ITGB5: variants seen among roughly 807,000 people sequenced by gnomAD.
ITGB5 encodes the protein integrin beta-5.
Under a neutral mutation model 84.8 loss-of-function variants are expected in ITGB5, and 38 were observed. That is an observed-to-expected ratio of 0.45 (90% confidence interval 0.35 to 0.59). The LOEUF (loss-of-function observed/expected upper bound fraction) is 0.59, where lower values mean the gene tolerates loss of function less well. Among genes scored for constraint, ITGB5 ranks in the 20% least tolerant of loss-of-function variants. ITGB5 has a pLI of 0.01. For missense variants in ITGB5, 905 were observed against 1,034.5 expected, an observed-to-expected ratio of 0.87 and a Z score of 1.72; for synonymous variants, 393 against 414.4, an observed-to-expected ratio of 0.95 and a Z score of 0.63.
At chr3:124,787,270 AG>A (rs2064095351) in intron 10 of ITGB5, among the ~76,000 whole-genome samples, 1 of 152,184 alleles carries the variant, frequency 6.6e-6, no homozygotes, top group South Asian at 2.1e-4. Flanking sequence ...TTGTTGCTTA[AG>A]ATGTTTCTGG....
intron 8 of ITGB5, among the ~76,000 whole-genome samples, chr3:124,811,935 T>C (rs1451892947): frequency 6.6e-6 from 1 of 152,170 alleles, no homozygotes; most frequent in East Asian, 1.9e-4. Flanking sequence ...TATGCACTTC[T>C]TTCTTTGGAA....
In ITGB5 at chr3:124,773,698, G is replaced by A; in HGVS notation, c.1908C>T (p.Ser636=). 1 of 1,612,110 alleles carries A rather than the reference G, an allele frequency of 6.2e-7. No homozygotes were observed. Residue 636 remains serine, a synonymous_variant, in exon 11 of 15, where the codon AGC becomes AGT. Transcript: ENST00000296181. ...EKCPTCPDAC[S]TKRDCVECLL... Reference sequence around the variant, plus strand: ...GTCAGTGGAACCAGTACCTCTTGGTGCTGCATGCATCCGGGCAGGTGGGGC... The same window carrying A: ...GTCAGTGGAACCAGTACCTCTTGGTACTGCATGCATCCGGGCAGGTGGGGC...
chr3:124,771,585 C>CA (rs1007538149), intron 11 of ITGB5, among the ~76,000 whole-genome samples: 3 of 151,498 alleles, frequency 2.0e-5, no homozygotes, highest in Non-Finnish European at 2.9e-5. Flanking sequence ...CCTGTCTCTA[C>CA]AAAAAAATAA....
intron 7 of ITGB5, among the ~76,000 whole-genome samples, chr3:124,818,264 C>A (rs894399142): frequency 6.6e-6 from 1 of 152,174 alleles, no homozygotes; most frequent in Non-Finnish European, 1.5e-5. Flanking sequence ...CCCACCTTTC[C>A]TCTTTCATCT....
At chr3:124,783,476 T>C (rs1331589548) in intron 10 of ITGB5, among the ~76,000 whole-genome samples, 2 of 152,164 alleles carry the variant, frequency 1.3e-5, no homozygotes, top group Non-Finnish European at 2.9e-5. Flanking sequence ...TCAAAGCCTC[T>C]GTTTTATGTT....
intron 2 of ITGB5, 89 bp from the exon 3 acceptor site, chr3:124,859,535 G>T: frequency 1.0e-6 from 1 of 962,960 alleles, no homozygotes. Context: ...CCATCTGGTT[G>T]ACCTTAAATT....
chr3:124,885,871 T>A (rs1355544504), intron 1 of ITGB5, among the ~76,000 whole-genome samples: 1 of 152,350 alleles, frequency 6.6e-6, no homozygotes, highest in South Asian at 2.1e-4. Context: ...AAACCTCCAC[T>A]GCCTTCATGT....
chr3:124,812,343 T>A (rs1390502468), intron 8 of ITGB5, among the ~76,000 whole-genome samples: 1 of 152,232 alleles, frequency 6.6e-6, no homozygotes, highest in Non-Finnish European at 1.5e-5. Context: ...GGCTATTAAA[T>A]ACTCGGTCAG....
chr3:124,800,346 T>G (rs542973934), intron 9 of ITGB5, among the ~76,000 whole-genome samples: 15 of 152,364 alleles, frequency 9.8e-5, no homozygotes, highest in African/African-American at 3.6e-4. Context: ...GAAACTTGCC[T>G]GCCTTGGGGT....
intron 6 of ITGB5, 95 bp downstream of exon 6, chr3:124,821,218 C>T (rs1295139981): frequency 2.9e-6 from 4 of 1,359,502 alleles, no homozygotes; most frequent in Middle Eastern, 2.1e-4. Flanking sequence ...ATACTGAGGG[C>T]CAGAGGAAGG....
In ITGB5 at chr3:124,873,520, A is replaced by G. The variant is rs201637475; in HGVS notation, c.82T>C (p.Cys28Arg). The G allele has an allele frequency of 6.2e-7, 1 of 1,612,662 alleles. No individual in the cohort carries two copies. Among genetic ancestry groups the G allele is most frequent in the Non-Finnish European group, 8.5e-7 (1 of 1,178,750 alleles). The change falls in exon 2 of 15, where the codon TGC becomes CGC. Residue 28 changes from cysteine (C) to arginine (R), a missense_variant. Physicochemically the swap from Cys to Arg is radical, Grantham distance 180. Coordinates refer to ENST00000296181, the MANE Select transcript of ITGB5 (RefSeq NM_002213.5). ...LLPRLAGLNI[C>R]TSGSATSCEE... ...CATGAGGTGGCACTTCCACTAGTGCATATGTTGAGACCTTTAAAGCAAGAT... is the reference window on the plus strand; with the variant it reads ...CATGAGGTGGCACTTCCACTAGTGCGTATGTTGAGACCTTTAAAGCAAGAT...
Position 124,821,446 on chromosome 3 carries a change from A to G in ITGB5, c.809T>C (p.Leu270Pro). ...KEKIGWRKDALHLLVFTTDDV... is the reference protein window; with the variant it reads ...KEKIGWRKDAPHLLVFTTDDV... ...ATCTGTTGTGAACACCAGCAAATGC[A>G]GTGCATCCTTTCGCCAGCCAATCTT... The change falls in exon 6 of 15, where the codon CTG becomes CCG. Residue 270 changes from leucine (L) to proline (P), a missense_variant. Leu to Pro is a moderately conservative substitution (Grantham distance 98). Coordinates refer to ENST00000296181, the MANE Select transcript of ITGB5 (RefSeq NM_002213.5). 6.2e-7 allele frequency: 1 copy of G among 1,614,220 alleles called. No individual in the cohort carries two copies. Among genetic ancestry groups the G allele is most frequent in the Non-Finnish European group, 8.5e-7 (1 of 1,180,018 alleles).
At chr3:124,887,592 C>G (rs1350648721), upstream of ITGB5, 1 of 331,066 alleles carries the variant, frequency 3.0e-6, no homozygotes. Context: ...AAGTCGCTTG[C>G]GACTCACTTG....
chr3:124,852,743 A>C (rs1314152600), intron 3 of ITGB5, among the ~76,000 whole-genome samples: 1 of 152,170 alleles, frequency 6.6e-6, no homozygotes, highest in Non-Finnish European at 1.5e-5. Context: ...GCTAGAGTAC[A>C]GTGGCACAAC....
chr3:124,879,972 T>C (rs1432689720), intron 1 of ITGB5, among the ~76,000 whole-genome samples: 1 of 152,230 alleles, frequency 6.6e-6, no homozygotes, highest in Non-Finnish European at 1.5e-5. Flanking sequence ...TTAAAAATTA[T>C]GGGACTATAT....
chr3:124,820,109 A>G (rs1250280000), intron 6 of ITGB5, among the ~76,000 whole-genome samples: 2 of 152,048 alleles, frequency 1.3e-5, no homozygotes, highest in African/African-American at 2.4e-5. Context: ...GAGGTTTTCC[A>G]TATCTTGTCT....
chr3:124,763,353 A>T lies in ITGB5; in HGVS notation c.*270T>A. The T allele has an allele frequency of 3.3e-6, 1 of 305,994 alleles. No homozygotes were observed. The highest frequency in any genetic ancestry group is 6.1e-6 in the Non-Finnish European group (1 of 162,796). 19.0% of individuals were successfully genotyped at this position (305,994 alleles called of 1,614,324 possible). On this transcript the variant is annotated 3_prime_UTR_variant, in exon 15 of 15. Coordinates refer to ENST00000296181, the MANE Select transcript of ITGB5 (RefSeq NM_002213.5). ...GTATTTCATTGGGACAACAAGCTGG[A>T]TGTGGCAGGGAAAGCTGAGAGCGCC...
rs568846601 is a variant in ITGB5 at position 124,780,219 on chromosome 3, A to G, written c.1694-6307T>C. Among the ~76,000 whole-genome samples the G allele has an allele frequency of 1.2e-4, 17 of 136,896 alleles. No individual in the cohort carries two copies. In the East Asian group the frequency reaches 3.7e-3, roughly 30 times the overall value. 89.8% of individuals were successfully genotyped at this position (136,896 alleles called of 152,430 possible). Reference sequence around the variant, plus strand: ...GACCCTCAACTCTGGCCCAGGAACAAAGCCACTGCTCCATTCACCCCCAAA... The same window carrying G: ...GACCCTCAACTCTGGCCCAGGAACAGAGCCACTGCTCCATTCACCCCCAAA... On this transcript the variant is annotated intron_variant, in intron 10 of 14. Coordinates refer to ENST00000296181, the MANE Select transcript of ITGB5 (RefSeq NM_002213.5).
chr3:124,798,618 G>T (rs1010998977), intron 9 of ITGB5, among the ~76,000 whole-genome samples: 33 of 152,102 alleles, frequency 2.2e-4, no homozygotes, highest in African/African-American at 8.0e-4. Context: ...CGGAGATGGG[G>T]TTTCACTGTG....
Sources: allele counts gnomAD v4.1 joint callset (sites outside exome capture counted in the v4.1 genomes callset), GRCh38; gene constraint gnomAD v4.1.1; transcripts MANE v1.5; gene names NCBI Gene and HGNC (gene_info 2026-07-23, HGNC 2026-07-21).